Variants in DIP2C observed in about 807,000 individuals in gnomAD.
DIP2C encodes the protein disco-interacting protein 2 homolog C.
DIP2C carries 33 observed loss-of-function variants against 192.4 expected under a neutral mutation model. The ratio of observed to expected loss-of-function variants is 0.17; its 90% confidence interval spans 0.13 to 0.23. The LOEUF (loss-of-function observed/expected upper bound fraction) is 0.23, where lower values mean the gene tolerates loss of function less well. Ranked by LOEUF, DIP2C falls within the 10% of genes least tolerant of loss-of-function variation. The probability of loss-of-function intolerance (pLI) is 1.00; values close to 1 mark genes in which losing one functional copy is unlikely to be tolerated. For synonymous variants in DIP2C, 979 were observed against 864.1 expected (o/e 1.13, Z -2.33); for missense variants, 1,537 against 2,110.1 (o/e 0.73, Z 5.32).
intron 4 of DIP2C, among the ~76,000 whole-genome samples, chr10:437,043 G>A (rs1471579635): frequency 2.9e-5 from 4 of 136,158 alleles, no homozygotes; most frequent in African/African-American, 5.6e-5. Context: ...CCGCCTCCTG[G>A]ACATGGTAGG....
chr10:463,832 GAAC>G (rs1318688524), intron 3 of DIP2C, among the ~76,000 whole-genome samples: 1 of 151,828 alleles, frequency 6.6e-6, no homozygotes, highest in Non-Finnish European at 1.5e-5. Flanking sequence ...CCTCAGAAAA[GAAC>G]ACCACACATC....
At chr10:366,513 A>G in intron 18 of DIP2C, 102 bp from the exon 19 acceptor site, 2 of 1,527,316 alleles carry the variant, frequency 1.3e-6, no homozygotes, top group Non-Finnish European at 1.8e-6. Context: ...GTGAACAGGA[A>G]TGGGGTCTGG....
At chr10:574,256 T>C (rs1271188135) in intron 1 of DIP2C, among the ~76,000 whole-genome samples, 1 of 152,226 alleles carries the variant, frequency 6.6e-6, no homozygotes, top group East Asian at 1.9e-4. Flanking sequence ...CACAAAGATT[T>C]TGCACAATTC....
intron 17 of DIP2C, among the ~76,000 whole-genome samples, chr10:377,872 T>G (rs1291381681): frequency 6.6e-6 from 1 of 152,264 alleles, no homozygotes; most frequent in Non-Finnish European, 1.5e-5. Context: ...ATATGATTTT[T>G]GCATTTTCAT....
At chr10:511,374 G>C (rs1005905697) in intron 1 of DIP2C, among the ~76,000 whole-genome samples, 3 of 152,176 alleles carry the variant, frequency 2.0e-5, no homozygotes, top group African/African-American at 7.2e-5. Flanking sequence ...GTTCCATGTC[G>C]TTAAAGGAAA....
At chr10:602,869 G>A (rs1219209626) in intron 1 of DIP2C, among the ~76,000 whole-genome samples, 3 of 152,116 alleles carry the variant, frequency 2.0e-5, no homozygotes, top group South Asian at 2.1e-4. Flanking sequence ...GGGTGAGGCC[G>A]GACAGCAACA....
intron 1 of DIP2C, among the ~76,000 whole-genome samples, chr10:611,349 G>T (rs553190054): frequency 5.3e-5 from 8 of 152,278 alleles, no homozygotes; most frequent in African/African-American, 1.9e-4. Context: ...CCAGCCTCAG[G>T]TAGTTCTTTA....
rs370082170 is a variant in DIP2C, at chr10:538,317, C to T, written c.86-51787G>A. On this transcript the variant is annotated intron_variant, in intron 1 of 36. Transcript: ENST00000280886. ...GACTACAGGTGTGCACCACCACACT[C>T]GGCTAGTTCTTTTTTGTAGAGATGG... 5.9e-5 allele frequency among the ~76,000 whole-genome samples: 9 copies of T among 151,874 alleles called. No homozygotes were observed. The East Asian group carries it at 1.4e-3, about 23-fold the overall frequency.
Position 362,575 on chromosome 10 carries a change from C to T in DIP2C, c.2709G>A (p.Leu903=). The T allele has an allele frequency of 1.2e-6, 2 of 1,614,134 alleles. No homozygotes were observed. The highest frequency in any genetic ancestry group is 1.3e-5 in the African/African-American group (1 of 75,036). The change falls in exon 22 of 37, where the codon CTG becomes CTA. Residue 903 remains leucine, a synonymous_variant. Transcript: ENST00000280886. The part of the protein sequence containing the change: ...IHLSETKQLF[L]EGSLHPCNVL... ...CATTGCAGGGGTGCAGAGAGCCCTC[C>T]AGAAAAAGCTGTTTTGTTTCTGATA... is the stretch of plus-strand genomic sequence containing the variant.
intron 9 of DIP2C, among the ~76,000 whole-genome samples, chr10:406,438 T>C (rs757575635): frequency 2.6e-5 from 4 of 152,224 alleles, no homozygotes; most frequent in Admixed American, 1.3e-4. Context: ...CTTTTGTTTC[T>C]CTACAGCTGG....
Position 651,011 on chromosome 10 carries a change from G to A in DIP2C, c.85+38483C>T, listed in dbSNP as rs1283383714. ...CATCTCTCCCGGTGCCAGGGCTCAG[G>A]CCCCAGCCCCCGTTTCTGCAGAAGC... On this transcript the variant is annotated intron_variant, in intron 1 of 36. Transcript: ENST00000280886. The surrounding 1 kb of genome is among the most constrained non-coding windows in gnomAD (Gnocchi z 4.1). 7 of 717,264 alleles carry A rather than the reference G, an allele frequency of 9.8e-6. No homozygotes were observed. In the Admixed American group the frequency reaches 1.0e-4, roughly 10 times the overall value. 44.4% of individuals were successfully genotyped at this position (717,264 alleles called of 1,614,324 possible). A position where few individuals can be genotyped will look rare whatever the true frequency, so the allele number is the denominator to read the frequency against.
chr10:660,518 G>C (rs1019206509), intron 1 of DIP2C, among the ~76,000 whole-genome samples: 5 of 152,202 alleles, frequency 3.3e-5, no homozygotes, highest in African/African-American at 1.2e-4. Flanking sequence ...GTATGAAACA[G>C]ATTCTAGCTC....
At chr10:444,586 G>A (rs1011362686) in intron 3 of DIP2C, among the ~76,000 whole-genome samples, 1 of 151,866 alleles carries the variant, frequency 6.6e-6, no homozygotes, top group Non-Finnish European at 1.5e-5. Flanking sequence ...ACAGCATGGT[G>A]TTCACTCCAG....
At chr10:283,546 T>C (rs1286557420) in intron 34 of DIP2C, 100 bp from the exon 35 acceptor site, 7 of 1,407,028 alleles carry the variant, frequency 5.0e-6, no homozygotes, top group Non-Finnish European at 6.8e-6. Context: ...TATTCAGTGA[T>C]AGTAAACGTT....
At position 327,103 on chromosome 10, in the gene DIP2C, G is replaced by A. The variant is rs761970701; in HGVS notation, c.3827C>T (p.Thr1276Ile). 1 of 1,614,198 alleles carries A rather than the reference G, an allele frequency of 6.2e-7. No homozygotes were observed. Among genetic ancestry groups the A allele is most frequent in the Non-Finnish European group, 8.5e-7 (1 of 1,180,036 alleles). The change falls in exon 31 of 37, where the codon ACA becomes ATA. Residue 1276 changes from threonine (T) to isoleucine (I), a missense_variant. Physicochemically the swap from Thr to Ile is moderately conservative, Grantham distance 89 (BLOSUM62 -1). This residue lies in a region of DIP2C where 341 missense variants were observed against 551.7 expected (regional missense o/e 0.62). Transcript: ENST00000280886. ...CTTAAACAGCTTTGAGAACGACTGT[G>A]TGAGTGCGATCCGAGGCCTCTCTTC... ...VAEERPRIAL[T>I]QSFSKLFKDL...
At chr10:301,670 C>T (rs1956054673) in intron 32 of DIP2C, among the ~76,000 whole-genome samples, 1 of 152,232 alleles carries the variant, frequency 6.6e-6, no homozygotes, top group Admixed American at 6.5e-5. Flanking sequence ...ACAAGCCTGC[C>T]TCTTCCATCT....
chr10:505,903 T>C (rs555199065), intron 1 of DIP2C, among the ~76,000 whole-genome samples: 146 of 152,316 alleles, frequency 9.6e-4, no homozygotes, highest in South Asian at 2.3e-3. Context: ...TACAGCATCA[T>C]CTCCTGCTGT....
At chr10:454,298 T>C (rs996081973) in intron 3 of DIP2C, among the ~76,000 whole-genome samples, 2 of 141,250 alleles carry the variant, frequency 1.4e-5, no homozygotes, top group African/African-American at 3.2e-5. Context: ...CTTACATTTA[T>C]AGTGTTAGAT....
At chr10:458,897 A>G (rs767587466) in intron 3 of DIP2C, among the ~76,000 whole-genome samples, 3 of 151,212 alleles carry the variant, frequency 2.0e-5, no homozygotes, top group Non-Finnish European at 4.4e-5. Flanking sequence ...ACACAAGTCT[A>G]TTTCCAAAAC....
Sources: allele counts gnomAD v4.1 joint callset (sites outside exome capture counted in the v4.1 genomes callset), GRCh38; gene constraint gnomAD v4.1.1; regional missense constraint gnomAD v4.1.1; non-coding constraint Gnocchi (gnomAD v3.1); transcripts MANE v1.5; gene names NCBI Gene and HGNC (gene_info 2026-07-23, HGNC 2026-07-21).